PAN2: variants seen among roughly 807,000 people sequenced by gnomAD.
PAN2 encodes PAN2-PAN3 deadenylation complex catalytic subunit PAN2.
PAN2 carries 68 observed loss-of-function variants against 133.3 expected under a neutral mutation model. That is an observed-to-expected ratio of 0.51 (90% CI 0.42 to 0.62). The LOEUF (loss-of-function observed/expected upper bound fraction) is 0.62. PAN2 is among the 20% of genes least tolerant of loss of function. The probability of loss-of-function intolerance (pLI) is 0.00; values close to 1 mark genes in which losing one functional copy is unlikely to be tolerated. For synonymous variants in PAN2, 462 were observed against 544.6 expected, an observed-to-expected ratio of 0.85 and a Z score of 2.11; for missense variants, 1,042 against 1,500.5, an observed-to-expected ratio of 0.69 and a Z score of 5.05.
At chr12:56,330,359 T>C (rs1309204363) in intron 2 of PAN2, among the ~76,000 whole-genome samples, 12 of 99,694 alleles carry the variant, frequency 1.2e-4, no homozygotes, top group African/African-American at 3.8e-4. Context: ...TTTTCTTTTT[T>C]TTTTTTTTTT....
intron 2 of PAN2, among the ~76,000 whole-genome samples, chr12:56,331,700 G>GTTTTTTTTTTTT (rs67869491): frequency 1.3e-4 from 16 of 125,320 alleles, no homozygotes; most frequent in Non-Finnish European, 7.4e-5. Flanking sequence ...GAAGGACAGC[G>GTTTTTTTTTTTT]TTTTTTTTTT....
Position 56,333,047 on chromosome 12 carries a change from G to T in PAN2, c.48C>A (p.Ala16=), listed in dbSNP as rs34174579. ...AGACAGGGTCCAGGGCAGAATGCAT[G>T]GCTGGGGCATATTCTGCCAGTCCAG... is the stretch of plus-strand genomic sequence containing the variant. ...LDPGLAEYAP[A]MHSALDPVLD... Residue 16 remains alanine, a synonymous_variant, in exon 2 of 26, where the codon GCC becomes GCA. Transcript: ENST00000440411. 6.2e-7 allele frequency: 1 copy of T among 1,614,124 alleles called. No individual in the cohort carries two copies. The highest frequency in any genetic ancestry group is 1.3e-5 in the African/African-American group (1 of 75,028).
chr12:56,319,975 C>T lies in PAN2; in HGVS notation c.2835G>A (p.Leu945=). 17 of 1,614,184 alleles carry T rather than the reference C, an allele frequency of 1.1e-5. No homozygotes were observed. Among genetic ancestry groups the T allele is most frequent in the Non-Finnish European group, 1.3e-5 (15 of 1,180,038 alleles). Residue 945 remains leucine, a synonymous_variant, in exon 21 of 26, where the codon CTG becomes CTA. Coordinates refer to ENST00000440411, the MANE Select transcript of PAN2 (RefSeq NM_014871.6). This position sits in a 1 kb window ranked among gnomAD's most constrained non-coding sequence, Gnocchi z 5.4. The stretch of plus-strand genomic sequence containing the variant: ...TATGTGTTTTCCGCTGCTTCCGTGC[C>T]AGCGAGGCTTCAGCCAGCAAGACAC... ...EASVLLAEAS[L]ARKQRKTHTT...
chr12:56,330,343 C>G, intron 2 of PAN2, among the ~76,000 whole-genome samples: 1 of 144,884 alleles, frequency 6.9e-6, no homozygotes, highest in East Asian at 2.1e-4. Context: ...CCTTACTCAA[C>G]TGTATTTTTC....
At chr12:56,331,610 TA>T (rs1317437216) in intron 2 of PAN2, among the ~76,000 whole-genome samples, 1 of 152,096 alleles carries the variant, frequency 6.6e-6, no homozygotes, top group Non-Finnish European at 1.5e-5. Context: ...CACTGCCTAT[TA>T]AACTGAATGA....
rs34404784 is a variant in PAN2 at position 56,323,164 on chromosome 12, A to C, written c.2391T>G (p.Ile797Met). The change falls in exon 17 of 26, where the codon ATT (isoleucine) becomes ATG (methionine). Residue 797 changes from isoleucine to methionine, a missense_variant. By Grantham distance (10) the Ile-to-Met change is conservative. Transcript: ENST00000440411. The part of the protein sequence containing the change: ...SPEGVLVCPS[I>M]EELKNVWLPF... ...GAAGCCAGACGTTCTTCAACTCCTC[A>C]ATGGAGGGACACACCAGCACACCCT... 6.9e-3 allele frequency: 11,090 copies of C among 1,614,094 alleles called. 50 individuals carry two copies. The highest frequency in any genetic ancestry group is 8.3e-3 in the Non-Finnish European group (9,747 of 1,180,014).
intron 5 of PAN2, 50 bp downstream of exon 5, chr12:56,327,945 A>C: frequency 6.2e-7 from 1 of 1,612,256 alleles, no homozygotes; most frequent in Non-Finnish European, 8.5e-7. Context: ...GCAATCAGGT[A>C]TCTAGTGAAA....
Position 56,319,756 on chromosome 12 carries a change from T to C in PAN2, c.2955A>G (p.Ala985=), listed in dbSNP as rs763039290. Reference sequence around the variant, plus strand: ...ACTTGGTACCATCACTGCGTAACTCTGCTTCCTCCTACATGAGAAGAGTTA... The same window carrying C: ...ACTTGGTACCATCACTGCGTAACTCCGCTTCCTCCTACATGAGAAGAGTTA... The part of the protein sequence containing the change: ...AEFVTLNEEE[A]ELRSDGTKST... The change falls in exon 22 of 26, where the codon GCA becomes GCG. Residue 985 remains alanine, a synonymous_variant. Transcript: ENST00000440411. This position sits in a 1 kb window ranked among gnomAD's most constrained non-coding sequence, Gnocchi z 5.4. 1.9e-6 allele frequency: 3 copies of C among 1,613,016 alleles called. No homozygotes were observed. The highest frequency in any genetic ancestry group is 2.2e-5 in the South Asian group (2 of 90,958).
At chr12:56,324,515 G>A (rs776094813) in intron 11 of PAN2, 22 bp from the exon 12 acceptor site, 2 of 1,612,604 alleles carry the variant, frequency 1.2e-6, no homozygotes, top group Non-Finnish European at 1.7e-6. Flanking sequence ...TTGGTGGAAA[G>A]GGGTTATTTT....
chr12:56,317,472 C>A lies in PAN2; in HGVS notation c.*137G>T. 1 of 700,196 alleles carries A rather than the reference C, an allele frequency of 1.4e-6. No homozygotes were observed. The highest frequency in any genetic ancestry group is 1.6e-5 in the South Asian group (1 of 61,630). The allele number at this position is 700,196 out of a possible 1,614,324, so 43.4% of individuals were successfully genotyped here. On this transcript the variant is annotated 3_prime_UTR_variant, in exon 26 of 26. Coordinates refer to ENST00000440411, the MANE Select transcript of PAN2 (RefSeq NM_014871.6). ...TGCTGTGTTCCAGTTCAATTAATAG[C>A]ACCATCTGTGACCCTAGACCCTGAG... is the stretch of plus-strand genomic sequence containing the variant.
Position 56,318,323 on chromosome 12 carries a change from A to G in PAN2, c.3476T>C (p.Phe1159Ser). 6.2e-7 allele frequency: 1 copy of G among 1,614,096 alleles called. No individual in the cohort carries two copies. Among genetic ancestry groups the G allele is most frequent in the Non-Finnish European group, 8.5e-7 (1 of 1,179,986 alleles). Residue 1159 changes from phenylalanine to serine, a missense_variant, in exon 25 of 26, where the codon TTC becomes TCC. By Grantham distance (155) the Phe-to-Ser change is radical. Transcript: ENST00000440411. ...ATAAAGACCCTTGAGCACCTTGTGG[A>G]AAGACTCAGGCTCAGTGCCATTTTT... ...LSKNGTEPES[F>S]HKVLKGLYEK...
Position 56,322,475 on chromosome 12 carries a change from G to A in PAN2, c.2645C>T (p.Thr882Ile). Residue 882 changes from threonine to isoleucine, a missense_variant, in exon 19 of 26, where the codon ACT becomes ATT. Around this residue, in one of 3 missense-constraint regions of PAN2, gnomAD observed 908 missense variants for 1,223.5 expected, o/e 0.74. Coordinates refer to ENST00000440411, the MANE Select transcript of PAN2 (RefSeq NM_014871.6). ...ATTGAACAGATACCACTGCTGGTGAGTAACGCCCTATGGAAATACAAAGAA... is the reference window on the plus strand; with the variant it reads ...ATTGAACAGATACCACTGCTGGTGAATAACGCCCTATGGAAATACAAAGAA... Reference protein sequence around the residue: ...ETYHQRKEGVTHQQWYLFNDF... With the variant: ...ETYHQRKEGVIHQQWYLFNDF... The A allele has an allele frequency of 1.9e-6, 3 of 1,613,792 alleles. No individual in the cohort carries two copies. The highest frequency in any genetic ancestry group is 2.5e-6 in the Non-Finnish European group (3 of 1,179,658).
At chr12:56,317,666 C>T in intron 25 of PAN2, 23 bp from the exon 26 acceptor site, 1 of 1,610,952 alleles carries the variant, frequency 6.2e-7, no homozygotes, top group Non-Finnish European at 8.5e-7. Context: ...AAACCAAAAG[C>T]ATGATTCAAG....
chr12:56,319,816 T>C lies in PAN2; in HGVS notation c.2946+48A>G. 1 of 1,613,488 alleles carries C rather than the reference T, an allele frequency of 6.2e-7. No individual in the cohort carries two copies. Among genetic ancestry groups the C allele is most frequent in the Non-Finnish European group, 8.5e-7 (1 of 1,179,590 alleles). On this transcript the variant is annotated intron_variant, in intron 21 of 25. Transcript: ENST00000440411. This position sits in a 1 kb window ranked among gnomAD's most constrained non-coding sequence, Gnocchi z 5.4. The stretch of plus-strand genomic sequence containing the variant: ...TCAGAGAAATGCTTACAACTCCTAA[T>C]ATCCTCAGCGTTCTCTTCCAATGCC...
chr12:56,319,000 T>C, intron 24 of PAN2, 88 bp downstream of exon 24: 1 of 1,262,756 alleles, frequency 7.9e-7, no homozygotes, highest in Admixed American at 1.8e-5. Context: ...GCTCCATCCA[T>C]GTTGCCGCAA....
intron 2 of PAN2, 179 bp downstream of exon 2, chr12:56,332,617 AAAGGGATGCCTCCTGAG>A (rs943046643): frequency 6.9e-6 from 4 of 576,226 alleles, no homozygotes; most frequent in African/African-American, 3.8e-5. Context: ...AAAAAAAAAA[AAAGGGATGCCTCCTGAG>A]AAAGAATATG....
In PAN2 at chr12:56,328,457, T is replaced by C; in HGVS notation, c.452+15A>G. The stretch of plus-strand genomic sequence containing the variant: ...GGCATCCTCGTTCCTAGTCCAGAGC[T>C]GAGAAGCCACTTACAGGTAATCAAA... On this transcript the variant is annotated intron_variant, in intron 3 of 25. Transcript: ENST00000440411. 1 of 1,613,426 alleles carries C rather than the reference T, an allele frequency of 6.2e-7. No homozygotes were observed. The highest frequency in any genetic ancestry group is 1.3e-5 in the African/African-American group (1 of 75,002).
chr12:56,326,209 GGTT>G, intron 8 of PAN2, 101 bp downstream of exon 8: 1 of 1,035,076 alleles, frequency 9.7e-7, no homozygotes, highest in Non-Finnish European at 1.4e-6. Flanking sequence ...CAATTTGGTT[GGTT>G]ACCAACAGGA....
At position 56,328,027 on chromosome 12, in the gene PAN2, G is replaced by T; in HGVS notation, c.619C>A (p.Arg207Ser). Residue 207 changes from arginine to serine, a missense_variant, in exon 5 of 26, where the codon CGC (arginine) becomes AGC (serine). By Grantham distance (110) the Arg-to-Ser change is moderately radical. Transcript: ENST00000440411. ...PGVTIMRQTN[R>S]FFFCGHTSGK... ...GACGTGTGGCCGCAGAAGAAGAAGCGATTTGTCTGTCTCATGATGGTGACT... is the reference window on the plus strand; with the variant it reads ...GACGTGTGGCCGCAGAAGAAGAAGCTATTTGTCTGTCTCATGATGGTGACT... 1.2e-6 allele frequency: 2 copies of T among 1,613,890 alleles called. No homozygotes were observed. Among genetic ancestry groups the T allele is most frequent in the South Asian group, 2.2e-5 (2 of 91,044 alleles).
Sources: allele counts gnomAD v4.1 joint callset (sites outside exome capture counted in the v4.1 genomes callset), GRCh38; gene constraint gnomAD v4.1.1; regional missense constraint gnomAD v4.1.1; non-coding constraint Gnocchi (gnomAD v3.1); transcripts MANE v1.5; gene names NCBI Gene and HGNC (gene_info 2026-07-23, HGNC 2026-07-21).